IGSF5: variants seen among roughly 807,000 people sequenced by gnomAD.
IGSF5 encodes immunoglobulin superfamily member 5.
Under a neutral mutation model 39.4 loss-of-function variants are expected in IGSF5, and 41 were observed. The observed-to-expected ratio is 1.04, with a 90% CI of 0.81 to 1.35. IGSF5 has a LOEUF of 1.35. Among genes scored for constraint, IGSF5 ranks in the 40% most tolerant of loss-of-function variants. The pLI is 0.00. For missense variants in IGSF5, 487 were observed against 494.6 expected (o/e 0.98, Z 0.15); for synonymous variants, 183 against 175.3 (o/e 1.04, Z -0.34).
chr21:39,716,330 A>T, the IGSF5 span, among the ~76,000 whole-genome samples: 24 of 151,740 alleles, frequency 1.6e-4, no homozygotes, highest in African/African-American at 5.1e-4. Context: ...AAAAACGAGA[A>T]TTTTTTTTTC....
chr21:39,785,632 G>C (rs890971639), intron 5 of IGSF5, among the ~76,000 whole-genome samples: 2 of 152,000 alleles, frequency 1.3e-5, no homozygotes, highest in Admixed American at 1.3e-4. Context: ...CATTGAATCT[G>C]TAAATTACCT....
chr21:39,761,877 AG>A (rs1333430902), intron 2 of IGSF5, among the ~76,000 whole-genome samples: 3 of 152,132 alleles, frequency 2.0e-5, no homozygotes, highest in Non-Finnish European at 2.9e-5. Flanking sequence ...TATGTTTTCC[AG>A]GATGGTCTTG....
chr21:39,744,987 A>C (rs1373366411), upstream of IGSF5, among the ~76,000 whole-genome samples: 1 of 152,262 alleles, frequency 6.6e-6, no homozygotes, highest in Non-Finnish European at 1.5e-5. Context: ...TTATAGGTTC[A>C]TAGAGAAGAT....
chr21:39,800,472 A>T (rs2087022515), intron 8 of IGSF5, among the ~76,000 whole-genome samples: 1 of 152,258 alleles, frequency 6.6e-6, no homozygotes, highest in Admixed American at 6.5e-5. Context: ...TTAGCAGCAG[A>T]AGGCACATGT....
intron 3 of IGSF5, 85 bp from the exon 4 acceptor site, chr21:39,770,831 A>T (rs1601131452): frequency 8.6e-6 from 5 of 578,506 alleles, no homozygotes; most frequent in Admixed American, 4.7e-5. Context: ...AGCAAAACTT[A>T]AAAAAAAAAA....
chr21:39,714,170 T>C, the IGSF5 span, among the ~76,000 whole-genome samples: 2 of 152,264 alleles, frequency 1.3e-5, no homozygotes, highest in African/African-American at 4.8e-5. Context: ...TCACTGGCTC[T>C]AGAAAAAGTT....
rs576993829 is a variant in IGSF5 at position 39,775,610 on chromosome 21, G to A, written c.719-3480G>A. On this transcript the variant is annotated intron_variant, in intron 4 of 8. Coordinates refer to ENST00000380588, the MANE Select transcript of IGSF5 (RefSeq NM_001080444.2). Reference sequence around the variant, plus strand: ...GGACAATCTCCAAGTGGAGGTTAAAGCACATGGTAAAGTCAGTAATGAGGC... The same window carrying A: ...GGACAATCTCCAAGTGGAGGTTAAAACACATGGTAAAGTCAGTAATGAGGC... Among the ~76,000 whole-genome samples, 13 of 152,302 alleles carry A rather than the reference G, an allele frequency of 8.5e-5. 1 individual carries two copies. In the South Asian group the frequency reaches 2.5e-3, roughly 29 times the overall value.
At position 39,801,459 on chromosome 21, in the gene IGSF5, C is replaced by A; in HGVS notation, c.*102C>A. 1 of 795,112 alleles carries A rather than the reference C, an allele frequency of 1.3e-6. No individual in the cohort carries two copies. Among genetic ancestry groups the A allele is most frequent in the Non-Finnish European group, 2.1e-6 (1 of 478,632 alleles). The allele number at this position is 795,112 out of a possible 1,614,324, so 49.3% of individuals were successfully genotyped here. On this transcript the variant is annotated 3_prime_UTR_variant, in exon 9 of 9. Coordinates refer to ENST00000380588, the MANE Select transcript of IGSF5 (RefSeq NM_001080444.2). Reference sequence around the variant, plus strand: ...TAAGACTGGCCTGCAGCTTTGCCAACATTACCTGAAGAGGAGATGTCGGAG... The same window carrying A: ...TAAGACTGGCCTGCAGCTTTGCCAAAATTACCTGAAGAGGAGATGTCGGAG...
Position 39,802,053 on chromosome 21 carries a change from CTT to C in IGSF5, c.*698_*699del, listed in dbSNP as rs952122487. 6.6e-6 allele frequency: 1 copy of C among 152,158 alleles called. No individual in the cohort carries two copies. Among genetic ancestry groups the C allele is most frequent in the African/African-American group, 2.4e-5 (1 of 41,448 alleles). The allele number at this position is 152,158 out of a possible 1,614,324, so 9.4% of individuals were successfully genotyped here. On this transcript the variant is annotated 3_prime_UTR_variant, in exon 9 of 9. Coordinates refer to ENST00000380588, the MANE Select transcript of IGSF5 (RefSeq NM_001080444.2). ...AAAAACTGGAAATGGGCATTGTAGT[CTT>C]TAATTAATAAAAACACCAAAAATGT...
At chr21:39,749,367 C>T (rs1202933547) in intron 2 of IGSF5, among the ~76,000 whole-genome samples, 1 of 152,160 alleles carries the variant, frequency 6.6e-6, no homozygotes, top group African/African-American at 2.4e-5. Context: ...TCCACATCAC[C>T]ACGCCCGGCT....
chr21:39,784,476 G>A (rs1192781711), intron 5 of IGSF5, among the ~76,000 whole-genome samples: 3 of 152,238 alleles, frequency 2.0e-5, no homozygotes, highest in South Asian at 4.2e-4. Flanking sequence ...TCTACAGAAT[G>A]GGAATAAATA....
intron 3 of IGSF5, among the ~76,000 whole-genome samples, chr21:39,770,560 A>T (rs1318003428): frequency 1.3e-5 from 2 of 152,146 alleles, no homozygotes; most frequent in African/African-American, 4.8e-5. Context: ...ACAGCCCAAG[A>T]TAATTCTGTA....
intron 2 of IGSF5, among the ~76,000 whole-genome samples, chr21:39,762,174 G>A (rs1258232133): frequency 6.6e-6 from 1 of 152,200 alleles, no homozygotes. Flanking sequence ...TTGGGTGACT[G>A]TGGACAAAAA....
chr21:39,755,964 A>G (rs9753824), intron 2 of IGSF5, among the ~76,000 whole-genome samples: 106,529 of 151,080 alleles, frequency 0.71, 37,777 homozygotes, highest in Admixed American at 0.76. Flanking sequence ...AAAATTAGCC[A>G]GGCGTACTTC....
chr21:39,722,434 T>C, the IGSF5 span: 7 of 152,210 alleles, frequency 4.6e-5, no homozygotes, highest in Non-Finnish European at 8.8e-5. Context: ...GGGGAAACTT[T>C]AAGAGCAGCC....
the IGSF5 span, among the ~76,000 whole-genome samples, chr21:39,727,586 G>A: frequency 1.4e-4 from 21 of 152,348 alleles, no homozygotes; most frequent in South Asian, 8.3e-4. Context: ...CATCATAAGC[G>A]CTGATAGAAA....
intron 2 of IGSF5, among the ~76,000 whole-genome samples, chr21:39,748,981 T>C (rs2253751): frequency 0.72 from 109,286 of 152,032 alleles, 41,575 homozygotes; most frequent in Non-Finnish European, 0.84. Context: ...TTTTCTGCTA[T>C]CTTCTTAGGT....
At chr21:39,750,680 C>T (rs1302943002) in intron 2 of IGSF5, among the ~76,000 whole-genome samples, 1 of 152,126 alleles carries the variant, frequency 6.6e-6, no homozygotes, top group Admixed American at 6.5e-5. Context: ...CCAGCAAATG[C>T]CATGGAAGCC....
rs531939234 is a variant in IGSF5, at chr21:39,756,983, C to T, written c.101-8552C>T. Among the ~76,000 whole-genome samples, 557 of 152,142 alleles carry T rather than the reference C, an allele frequency of 3.7e-3. 6 individuals carry two copies. Among genetic ancestry groups the T allele is most frequent in the African/African-American group, 0.012 (518 of 41,506 alleles). The stretch of plus-strand genomic sequence containing the variant: ...CCCTGAACTCTGACCTCACTCCTTC[C>T]ACCCACCCCTGTCTGCCACAGAGCC... On this transcript the variant is annotated intron_variant, in intron 2 of 8. Coordinates refer to ENST00000380588, the MANE Select transcript of IGSF5 (RefSeq NM_001080444.2).
Sources: allele counts gnomAD v4.1 joint callset (sites outside exome capture counted in the v4.1 genomes callset), GRCh38; gene constraint gnomAD v4.1.1; transcripts MANE v1.5; gene names NCBI Gene and HGNC (gene_info 2026-07-23, HGNC 2026-07-21).